Variants in PAX8 observed in about 807,000 individuals in gnomAD.
PAX8 encodes the protein paired box protein Pax-8.
A neutral mutation model predicts 52.4 loss-of-function variants in PAX8; 15 were observed. That is an observed-to-expected ratio of 0.29 (90% CI 0.19 to 0.44). PAX8 has a LOEUF of 0.44. PAX8 is among the 20% of genes least tolerant of loss of function. The pLI, the probability that PAX8 is intolerant of heterozygous loss-of-function variation, is 1.00. For synonymous variants in PAX8, 284 were observed against 249.7 expected (o/e 1.14, Z -1.29); for missense variants, 554 against 602.5 (o/e 0.92, Z 0.84).
chr2:113,242,614 C>G (rs1278504877), intron 5 of PAX8, 76 bp downstream of exon 5: 1 of 963,698 alleles, frequency 1.0e-6, no homozygotes, highest in Admixed American at 1.7e-5. Flanking sequence ...CTGTGTGTGC[C>G]TCTGTGTATA....
intron 2 of PAX8, chr2:113,274,789 A>T (rs758256903): frequency 5.9e-5 from 9 of 152,218 alleles, no homozygotes; most frequent in Admixed American, 3.3e-4. Context: ...GGGCATACCA[A>T]GTTTGACAGA....
intron 10 of PAX8, chr2:113,226,008 A>G (rs1322210701): frequency 1.0e-6 from 1 of 985,504 alleles, no homozygotes; most frequent in African/African-American, 1.7e-5. Flanking sequence ...TGTATTTTCA[A>G]CGCTGCATTA....
intron 2 of PAX8, among the ~76,000 whole-genome samples, chr2:113,254,236 A>G (rs563497279): frequency 2.6e-5 from 4 of 152,228 alleles, no homozygotes; most frequent in Admixed American, 6.5e-5. Context: ...AAACATTTTA[A>G]TAGAACTGAT....
intron 9 of PAX8, among the ~76,000 whole-genome samples, chr2:113,232,325 C>G (rs1348206386): frequency 6.6e-6 from 1 of 152,200 alleles, no homozygotes; most frequent in Non-Finnish European, 1.5e-5. Context: ...TTGCCTGGAC[C>G]CCAGATCCTC....
At chr2:113,232,937 C>T (rs939174594) in intron 9 of PAX8, among the ~76,000 whole-genome samples, 15 of 152,150 alleles carry the variant, frequency 9.9e-5, no homozygotes, top group African/African-American at 2.2e-4. Context: ...GCCCCATGAC[C>T]GCCGCCAGCT....
intron 10 of PAX8, chr2:113,226,152 G>C: frequency 1.0e-6 from 1 of 985,460 alleles, no homozygotes; most frequent in Non-Finnish European, 1.2e-6. Flanking sequence ...ACCTGCCTCT[G>C]CATAGGGTGC....
chr2:113,228,674 C>T (rs1259739028), intron 9 of PAX8, among the ~76,000 whole-genome samples: 1 of 152,244 alleles, frequency 6.6e-6, no homozygotes, highest in Non-Finnish European at 1.5e-5. Context: ...CAAATGCCTT[C>T]TGCCTCTTCC....
intron 2 of PAX8, among the ~76,000 whole-genome samples, chr2:113,260,311 G>A (rs1692573485): frequency 6.6e-6 from 1 of 152,198 alleles, no homozygotes. Context: ...GTATATGGGT[G>A]TCTGTGTGAA....
At chr2:113,247,237 G>T (rs968202641) in intron 2 of PAX8, among the ~76,000 whole-genome samples, 1 of 152,238 alleles carries the variant, frequency 6.6e-6, no homozygotes, top group South Asian at 2.1e-4. Flanking sequence ...TCTGAAAAGT[G>T]TGTAAGGAAT....
intron 9 of PAX8, among the ~76,000 whole-genome samples, chr2:113,232,170 G>A (rs959224562): frequency 3.3e-5 from 5 of 152,182 alleles, no homozygotes; most frequent in African/African-American, 1.2e-4. Context: ...CACGTGTTAG[G>A]TATTGAGATC....
chr2:113,229,149 C>T (rs1311062875), intron 9 of PAX8, among the ~76,000 whole-genome samples: 2 of 152,164 alleles, frequency 1.3e-5, no homozygotes, highest in East Asian at 3.9e-4. Context: ...AACTTCTTCC[C>T]TTCCTCTAGA....
At position 113,216,371 on chromosome 2, in the gene PAX8, CCT is replaced by C. The variant is rs367717675; in HGVS notation, c.*2160_*2161del. The C allele has an allele frequency of 2.0e-3, 455 of 232,052 alleles. 1 individual carries two copies. The highest frequency in any genetic ancestry group is 9.5e-3 in the African/African-American group (429 of 45,326). The allele number at this position is 232,052 out of a possible 1,614,324, so 14.4% of individuals were successfully genotyped here. ...TTGGGAGGCCTAAGGAGGTAAGAGC[CCT>C]CTCTCCCAGCCTCTGTCCTCCCAGC... is the stretch of plus-strand genomic sequence containing the variant. On this transcript the variant is annotated 3_prime_UTR_variant, in exon 12 of 12. Transcript: ENST00000429538.
At chr2:113,253,017 G>A (rs1407522626) in intron 2 of PAX8, among the ~76,000 whole-genome samples, 2 of 152,176 alleles carry the variant, frequency 1.3e-5, no homozygotes, top group South Asian at 2.1e-4. Context: ...CCTGCTCTGT[G>A]CCTCCTGCTT....
At chr2:113,252,172 C>T (rs1691822655) in intron 2 of PAX8, among the ~76,000 whole-genome samples, 1 of 152,128 alleles carries the variant, frequency 6.6e-6, no homozygotes, top group African/African-American at 2.4e-5. Context: ...TGCTTTAGTC[C>T]CATAGAGTGT....
chr2:113,245,469 C>A (rs1369751795), intron 3 of PAX8, among the ~76,000 whole-genome samples: 2 of 152,168 alleles, frequency 1.3e-5, no homozygotes, highest in Admixed American at 1.3e-4. Context: ...CCCTCACCCC[C>A]CTGGTCACTG....
At chr2:113,225,861 G>T in intron 10 of PAX8, 2 of 966,356 alleles carry the variant, frequency 2.1e-6, no homozygotes, top group Non-Finnish European at 2.5e-6. Context: ...TGATTGAGAG[G>T]CCCCATTATC....
Position 113,248,757 on chromosome 2 carries a change from G to A in PAX8, c.26-1838C>T, listed in dbSNP as rs1281206617. On this transcript the variant is annotated intron_variant, in intron 2 of 11. Coordinates refer to ENST00000429538, the MANE Select transcript of PAX8 (RefSeq NM_003466.4). ...GCGGATCACCTGAGGTCAGGAGTTC[G>A]AGACCAGCCTGACCAACATGGTGAA... 2.1e-4 allele frequency among the ~76,000 whole-genome samples: 32 copies of A among 151,664 alleles called. 1 individual carries two copies. The highest frequency in any genetic ancestry group is 2.0e-3 in the Admixed American group (31 of 15,244).
chr2:113,228,280 C>A (rs528797904), intron 9 of PAX8, among the ~76,000 whole-genome samples: 19 of 152,324 alleles, frequency 1.2e-4, no homozygotes, highest in African/African-American at 4.1e-4. Flanking sequence ...GGTGACAATA[C>A]ACCCTGGTTT....
At chr2:113,230,617 G>C (rs958227340) in intron 9 of PAX8, 1 of 152,202 alleles carries the variant, frequency 6.6e-6, no homozygotes, top group Non-Finnish European at 1.5e-5. Flanking sequence ...GGAAAGACTG[G>C]TAAGACTTTC....
Sources: gnomAD v4.1 joint callset for allele counts (sites outside exome capture counted in the v4.1 genomes callset) on GRCh38, gnomAD v4.1.1 for gene constraint, MANE v1.5 for transcripts, NCBI Gene and HGNC (gene_info 2026-07-23, HGNC 2026-07-21) for gene names.